Variants in MMD2 observed in about 807,000 individuals in gnomAD.
The protein encoded by MMD2 is monocyte to macrophage differentiation factor 2.
MMD2 carries 30 observed loss-of-function variants against 33.5 expected under a neutral mutation model. The observed-to-expected ratio is 0.90, with a 90% CI of 0.67 to 1.22. MMD2 has a LOEUF of 1.22. MMD2 is among the 50% of genes most tolerant of loss of function. The pLI is 0.00. For missense variants in MMD2, 364 were observed against 325.4 expected (o/e 1.12, Z -0.91); for synonymous variants, 129 against 123.0 (o/e 1.05, Z -0.32).
rs1554273338 is a variant in MMD2 at position 4,945,185 on chromosome 7, T to TTCTTCTTCTTCTTCTTCTTCTTCTTC, written c.47+13785_47+13786insGAAGAAGAAGAAGAAGAAGAAGAAGA. On this transcript the variant is annotated intron_variant, in intron 1 of 6. Transcript: ENST00000401401. ...TTCTTCCTTCTTCCTCCTCTTCCTC[T>TTCTTCTTCTTCTTCTTCTTCTTCTTC]TTCTTCTTCTTCTTCTTCTTCTTCT... is the stretch of plus-strand genomic sequence containing the variant. Among the ~76,000 whole-genome samples, 123 of 93,538 alleles carry TTCTTCTTCTTCTTCTTCTTCTTCTTC rather than the reference T, an allele frequency of 1.3e-3. 2 individuals carry two copies. Among genetic ancestry groups the TTCTTCTTCTTCTTCTTCTTCTTCTTC allele is most frequent in the East Asian group, 6.2e-3 (19 of 3,058 alleles). The allele number at this position is 93,538 out of a possible 152,430, so 61.4% of individuals were successfully genotyped here.
chr7:4,941,724 CA>C (rs1270461715), intron 1 of MMD2, among the ~76,000 whole-genome samples: 6 of 150,356 alleles, frequency 4.0e-5, no homozygotes, highest in Non-Finnish European at 7.4e-5. Flanking sequence ...GTTTTAGGTT[CA>C]GGGGTACATG....
intron 1 of MMD2, among the ~76,000 whole-genome samples, chr7:4,947,692 CTTTTTTTTTTTTTT>C (rs71033002): frequency 2.8e-5 from 1 of 35,844 alleles, no homozygotes; most frequent in Non-Finnish European, 4.9e-5. Context: ...TGCACCTGGC[CTTTTTTTTTTTTTT>C]TTTTTTTTTT....
rs866568351 is a variant in MMD2, at chr7:4,946,187, G to A, written c.47+12784C>T. Among the ~76,000 whole-genome samples the A allele has an allele frequency of 6.9e-6, 1 of 144,710 alleles. No homozygotes were observed. Among genetic ancestry groups the A allele is most frequent in the Non-Finnish European group, 1.5e-5 (1 of 66,262 alleles). The allele number at this position is 144,710 out of a possible 152,430, so 94.9% of individuals were successfully genotyped here. ...CACCTGCACACATGCACACACACGC[G>A]CGCACACCCACACACACGCATGCAC... On this transcript the variant is annotated intron_variant, in intron 1 of 6. Transcript: ENST00000401401. The surrounding 1 kb of genome is among the most constrained non-coding windows in gnomAD (Gnocchi z 5.0).
At chr7:4,930,076 T>C (rs188161908) in intron 1 of MMD2, among the ~76,000 whole-genome samples, 65 of 148,156 alleles carry the variant, frequency 4.4e-4, no homozygotes, top group Non-Finnish European at 8.2e-4. Context: ...TAGACCATCC[T>C]GGCTAACACA....
At position 4,907,582 on chromosome 7, in the gene MMD2, G is replaced by C; in HGVS notation, c.555C>G (p.Ile185Met). The C allele has an allele frequency of 6.2e-7, 1 of 1,612,580 alleles. No homozygotes were observed. Among genetic ancestry groups the C allele is most frequent in the Non-Finnish European group, 8.5e-7 (1 of 1,179,804 alleles). The change falls in exon 7 of 7, where the codon ATC becomes ATG. Residue 185 changes from isoleucine to methionine, a missense_variant. Transcript: ENST00000401401. ...VILSMPNTEGIWELVTGGVFY... is the reference protein window; with the variant it reads ...VILSMPNTEGMWELVTGGVFY... ...AGACCCCTCCGGTCACCAGCTCCCA[G>C]ATGCCCTCGGTGTTGGGCTGTCGGC...
At chr7:4,952,785 G>A (rs1489999174) in intron 1 of MMD2, among the ~76,000 whole-genome samples, 4 of 150,932 alleles carry the variant, frequency 2.7e-5, no homozygotes, top group Non-Finnish European at 5.9e-5. Context: ...TCCGCCTCCT[G>A]GGTTCAAGCA....
At position 4,921,417 on chromosome 7, in the gene MMD2, G is replaced by A. The variant is rs560287752; in HGVS notation, c.130-1086C>T. ...GGGCAGATCACGAGGTCAGGAGTTC[G>A]AGACCAGCCTGGCCAATATGGTGAA... On this transcript the variant is annotated intron_variant, in intron 2 of 6. Transcript: ENST00000401401. 5.3e-5 allele frequency among the ~76,000 whole-genome samples: 8 copies of A among 151,798 alleles called. No individual in the cohort carries two copies. In the South Asian group the frequency reaches 1.3e-3, roughly 24 times the overall value.
At chr7:4,925,941 G>A (rs1262087296) in intron 1 of MMD2, among the ~76,000 whole-genome samples, 1 of 152,216 alleles carries the variant, frequency 6.6e-6, no homozygotes, top group Non-Finnish European at 1.5e-5. Flanking sequence ...AGCCTCCTGA[G>A]TAGCTGGGCG....
rs1161370941 is a variant in MMD2, at chr7:4,907,378, T to A, written c.*18A>T. ...CTCCACTCCTAAAGCCCAAACGACC[T>A]CTCAAGTCTGGGTCACCTCATTTGG... On this transcript the variant is annotated 3_prime_UTR_variant, in exon 7 of 7. Transcript: ENST00000401401. The A allele has an allele frequency of 1.2e-6, 2 of 1,613,024 alleles. No individual in the cohort carries two copies. Among genetic ancestry groups the A allele is most frequent in the Non-Finnish European group, 1.7e-6 (2 of 1,179,662 alleles).
intron 4 of MMD2, among the ~76,000 whole-genome samples, chr7:4,911,457 T>C (rs984415228): frequency 6.6e-6 from 1 of 152,086 alleles, no homozygotes; most frequent in African/African-American, 2.4e-5. Flanking sequence ...AGAGGAAAAT[T>C]AGCAAAATTG....
At position 4,930,362 on chromosome 7, in the gene MMD2, G is replaced by A. The variant is rs187590060; in HGVS notation, c.48-4830C>T. Among the ~76,000 whole-genome samples the A allele has an allele frequency of 4.0e-4, 60 of 151,360 alleles. 1 individual carries two copies. The South Asian group carries it at 0.012, about 29-fold the overall frequency. ...GTTCCCTAAAAAGACAAAACAGGCCGGGCATGGTGGCTCACACCTGTAATC... is the reference window on the plus strand; with the variant it reads ...GTTCCCTAAAAAGACAAAACAGGCCAGGCATGGTGGCTCACACCTGTAATC... On this transcript the variant is annotated intron_variant, in intron 1 of 6. Coordinates refer to ENST00000401401, the MANE Select transcript of MMD2 (RefSeq NM_198403.4).
rs1785537804 is a variant in MMD2 at position 4,930,179 on chromosome 7, G to A, written c.48-4647C>T. Reference sequence around the variant, plus strand: ...CAGCTACTTGGAGGCTGAGGCAGGAGAATGGCATGAACCCAGGAGGTGGAG... The same window carrying A: ...CAGCTACTTGGAGGCTGAGGCAGGAAAATGGCATGAACCCAGGAGGTGGAG... On this transcript the variant is annotated intron_variant, in intron 1 of 6. Coordinates refer to ENST00000401401, the MANE Select transcript of MMD2 (RefSeq NM_198403.4). Among the ~76,000 whole-genome samples, 3 of 148,544 alleles carry A rather than the reference G, an allele frequency of 2.0e-5. No individual in the cohort carries two copies. In the South Asian group the frequency reaches 6.4e-4, roughly 32 times the overall value.
At chr7:4,945,897 C>G (rs544582128) in intron 1 of MMD2, among the ~76,000 whole-genome samples, 1 of 152,204 alleles carries the variant, frequency 6.6e-6, no homozygotes, top group African/African-American at 2.4e-5. Flanking sequence ...TCCTCCAGGA[C>G]AGAGGAGTGA....
intron 1 of MMD2, among the ~76,000 whole-genome samples, chr7:4,934,145 G>T (rs571537862): frequency 1.3e-5 from 2 of 151,960 alleles, no homozygotes; most frequent in African/African-American, 2.4e-5. Flanking sequence ...GGCCAGGCTG[G>T]TCTCAAACTC....
chr7:4,938,266 C>A (rs573081737), intron 1 of MMD2, among the ~76,000 whole-genome samples: 1 of 152,066 alleles, frequency 6.6e-6, no homozygotes, highest in South Asian at 2.1e-4. Context: ...ACCTCAGCCT[C>A]CCAAAGTGCT....
chr7:4,908,754 G>C (rs143826736), intron 6 of MMD2, among the ~76,000 whole-genome samples: 1 of 151,804 alleles, frequency 6.6e-6, no homozygotes, highest in Non-Finnish European at 1.5e-5. Context: ...ATAATTAGCC[G>C]AGAGTGGTGG....
At chr7:4,905,204 G>C (rs1434339673), downstream of MMD2, among the ~76,000 whole-genome samples, 2 of 150,790 alleles carry the variant, frequency 1.3e-5, no homozygotes, top group South Asian at 4.2e-4. The surrounding 1 kb of genome is among the most constrained non-coding windows in gnomAD (Gnocchi z 5.0). Flanking sequence ...CATCCAAATA[G>C]GAAAAGAAGT....
intron 1 of MMD2, among the ~76,000 whole-genome samples, chr7:4,944,258 GAGCAAGA>G (rs1225703856): frequency 6.6e-6 from 1 of 151,598 alleles, no homozygotes; most frequent in Admixed American, 6.6e-5. Flanking sequence ...CTGGGCAACA[GAGCAAGA>G]AAAAAAAAAT....
In MMD2 at chr7:4,946,699, G is replaced by A. The variant is rs926256503; in HGVS notation, c.47+12272C>T. Among the ~76,000 whole-genome samples the A allele has an allele frequency of 1.3e-5, 2 of 152,120 alleles. No homozygotes were observed. The highest frequency in any genetic ancestry group is 4.8e-5 in the African/African-American group (2 of 41,426). On this transcript the variant is annotated intron_variant, in intron 1 of 6. Coordinates refer to ENST00000401401, the MANE Select transcript of MMD2 (RefSeq NM_198403.4). This position sits in a 1 kb window ranked among gnomAD's most constrained non-coding sequence, Gnocchi z 5.0. ...ACCAGATATCTCCCAGTAAGATGAA[G>A]TACACCATATGGCCTATAATCCTCC... is the stretch of plus-strand genomic sequence containing the variant.
Sources: allele counts gnomAD v4.1 joint callset (sites outside exome capture counted in the v4.1 genomes callset), GRCh38; gene constraint gnomAD v4.1.1; non-coding constraint Gnocchi (gnomAD v3.1); transcripts MANE v1.5; gene names NCBI Gene and HGNC (gene_info 2026-07-23, HGNC 2026-07-21).